Variants in POLD1 observed in about 807,000 individuals in gnomAD.
POLD1 encodes the protein DNA polymerase delta 1, catalytic subunit.
In POLD1, 79 loss-of-function variants were observed where a neutral mutation model predicts 129.7. That is an observed-to-expected ratio of 0.61 (90% CI 0.51 to 0.73). The LOEUF (loss-of-function observed/expected upper bound fraction) is 0.73. Ranked by LOEUF, POLD1 falls within the 30% of genes least tolerant of loss-of-function variation. The pLI is 0.00. For missense variants in POLD1, 1,338 were observed against 1,595.8 expected, an observed-to-expected ratio of 0.84 and a Z score of 2.75; for synonymous variants, 714 against 683.3, an observed-to-expected ratio of 1.04 and a Z score of -0.70.
intron 26 of POLD1, 35 bp downstream of exon 26, chr19:50,417,304 C>G (rs762698172): frequency 6.9e-7 from 1 of 1,443,398 alleles, no homozygotes; most frequent in Non-Finnish European, 9.4e-7. Context: ...GCTGCCCCGC[C>G]CCTTCCCAGC....
chr19:50,413,966 A>G, intron 19 of POLD1, 87 bp downstream of exon 19: 3 of 1,362,252 alleles, frequency 2.2e-6, no homozygotes, highest in Non-Finnish European at 3.0e-6. Flanking sequence ...CAAAAGCCAC[A>G]GTGTGAAGGG....
intron 17 of POLD1, among the ~76,000 whole-genome samples, chr19:50,412,737 GTGT>G (rs541800255): frequency 9.5e-4 from 138 of 145,714 alleles, no homozygotes; most frequent in African/African-American, 3.4e-3. Flanking sequence ...GGTGGTGGTG[GTGT>G]TGTTGTTTAA....
chr19:50,385,527 T>TC (rs1491516331), intron 1 of POLD1, among the ~76,000 whole-genome samples: 1 of 82,490 alleles, frequency 1.2e-5, no homozygotes, highest in Non-Finnish European at 2.1e-5. Context: ...CTGTCTTCTC[T>TC]TTTTTTTTTT....
intron 19 of POLD1, 98 bp from the exon 20 acceptor site, chr19:50,414,717 G>A: frequency 1.0e-6 from 1 of 1,001,760 alleles, no homozygotes; most frequent in Non-Finnish European, 1.4e-6. Flanking sequence ...TCCTCAAACT[G>A]CGTCTGGGAC....
chr19:50,415,555 T>C lies in POLD1; in HGVS notation c.2682T>C (p.Tyr894=). Residue 894 remains tyrosine, a synonymous_variant, in exon 21 of 27, where the codon TAT becomes TAC. Transcript: ENST00000440232. ...AGCTGACCCGCGCGGCCTCCGACTA[T>C]GCCGGCAAGCAGGCCCACGTGGAGC... ...TKELTRAASD[Y]AGKQAHVELA... 6.2e-7 allele frequency: 1 copy of C among 1,612,552 alleles called. No individual in the cohort carries two copies. The highest frequency in any genetic ancestry group is 8.5e-7 in the Non-Finnish European group (1 of 1,179,476).
At chr19:50,417,722 G>C (rs1224111443) in intron 26 of POLD1, 120 bp from the exon 27 acceptor site, 1 of 592,000 alleles carries the variant, frequency 1.7e-6, no homozygotes, top group African/African-American at 1.9e-5. Context: ...CGCTGCGGGA[G>C]GGGGCGGGTG....
intron 1 of POLD1, among the ~76,000 whole-genome samples, chr19:50,395,384 A>C (rs2038319194): frequency 1.3e-5 from 2 of 151,984 alleles, no homozygotes; most frequent in South Asian, 4.2e-4. Context: ...TCACGAGGTC[A>C]GGAGATTGAG....
chr19:50,405,624 A>C (rs1307569637), intron 10 of POLD1, among the ~76,000 whole-genome samples: 1 of 152,114 alleles, frequency 6.6e-6, no homozygotes, highest in Non-Finnish European at 1.5e-5. Context: ...TAGGACCCCC[A>C]GTGTATATTC....
At chr19:50,407,436 C>G in intron 14 of POLD1, 21 bp downstream of exon 14, 1 of 1,514,770 alleles carries the variant, frequency 6.6e-7, no homozygotes, top group Non-Finnish European at 9.0e-7. Context: ...AGGCTGGGTG[C>G]AGTTTTTACC....
chr19:50,413,603 G>A (rs895787325), intron 18 of POLD1, 82 bp downstream of exon 18: 109 of 1,527,926 alleles, frequency 7.1e-5, no homozygotes, highest in Middle Eastern at 1.7e-4. Context: ...CCATGTCCCC[G>A]TGCCTCCTGG....
In POLD1 at chr19:50,416,507, C is replaced by G. The variant is rs758407212; in HGVS notation, c.2932C>G (p.Arg978Gly). 7 of 1,552,530 alleles carry G rather than the reference C, an allele frequency of 4.5e-6. No homozygotes were observed. Among genetic ancestry groups the G allele is most frequent in the Admixed American group, 1.9e-5 (1 of 51,518 alleles). The change falls in exon 23 of 27, where the codon CGT becomes GGT. Residue 978 changes from arginine to glycine, a missense_variant. Arg to Gly is a moderately radical substitution (Grantham distance 125, BLOSUM62 -2). Coordinates refer to ENST00000440232, the MANE Select transcript of POLD1 (RefSeq NM_002691.4). ...RIFEPILGEGRAEAVLLRGDH... is the reference protein window; with the variant it reads ...RIFEPILGEGGAEAVLLRGDH... ...CTTCGAGCCCATCCTGGGCGAGGGCCGTGCCGAGGCTGTGCTACTGCGTAC... is the reference window on the plus strand; with the variant it reads ...CTTCGAGCCCATCCTGGGCGAGGGCGGTGCCGAGGCTGTGCTACTGCGTAC...
At chr19:50,392,076 C>A (rs1290996577) in intron 1 of POLD1, among the ~76,000 whole-genome samples, 1 of 151,844 alleles carries the variant, frequency 6.6e-6, no homozygotes, top group Non-Finnish European at 1.5e-5. Context: ...GTCATGGCAA[C>A]TTTTTCATTT....
At chr19:50,416,273 G>C (rs1235712604) in intron 22 of POLD1, 123 bp from the exon 23 acceptor site, 3 of 1,004,026 alleles carry the variant, frequency 3.0e-6, no homozygotes, top group Admixed American at 2.4e-5. Flanking sequence ...CCAGACCCAG[G>C]CCCCCCCCAT....
At chr19:50,385,478 G>A (rs1434863896) in intron 1 of POLD1, among the ~76,000 whole-genome samples, 1 of 151,910 alleles carries the variant, frequency 6.6e-6, no homozygotes, top group Non-Finnish European at 1.5e-5. Context: ...CGATGTCAGT[G>A]CCTCGCCTCA....
In POLD1 at chr19:50,416,598, CCT is replaced by C. The variant is rs1555793394; in HGVS notation, c.2954-8_2954-7del. On this transcript the variant is annotated splice_polypyrimidine_tract_variant and intron_variant, in intron 23 of 26. Coordinates refer to ENST00000440232, the MANE Select transcript of POLD1 (RefSeq NM_002691.4). The stretch of plus-strand genomic sequence containing the variant: ...GAGATCACCGGCCCACCACCTGCCT[CCT>C]CTCCTGCAGGGGGGGACCACACGCG... 6 of 1,553,916 alleles carry C rather than the reference CCT, an allele frequency of 3.9e-6. No homozygotes were observed. The highest frequency in any genetic ancestry group is 4.3e-6 in the Non-Finnish European group (5 of 1,152,532).
intron 1 of POLD1, among the ~76,000 whole-genome samples, chr19:50,390,357 G>A (rs1255825099): frequency 6.6e-6 from 1 of 151,932 alleles, no homozygotes; most frequent in African/African-American, 2.4e-5. Flanking sequence ...TGCCCCGGGA[G>A]GATGGAGTCT....
chr19:50,390,713 G>C (rs930829076), intron 1 of POLD1, among the ~76,000 whole-genome samples: 1 of 152,106 alleles, frequency 6.6e-6, no homozygotes, highest in Non-Finnish European at 1.5e-5. Flanking sequence ...CCTAGGCAGA[G>C]GGCCCTGCGG....
At position 50,402,055 on chromosome 19, in the gene POLD1, C is replaced by T. The variant is rs749334182; in HGVS notation, c.520C>T (p.Arg174Trp). 29 of 1,613,922 alleles carry T rather than the reference C, an allele frequency of 1.8e-5. No individual in the cohort carries two copies. The highest frequency in any genetic ancestry group is 1.2e-4 in the Admixed American group (7 of 59,994). Residue 174 changes from arginine to tryptophan, a missense_variant, in exon 5 of 27, where the codon CGG becomes TGG. Arg to Trp is a moderately radical substitution (Grantham distance 101). Around this residue, in one of 3 missense-constraint regions of POLD1, gnomAD observed 332 missense variants for 315.7 expected, o/e 1.05. Coordinates refer to ENST00000440232, the MANE Select transcript of POLD1 (RefSeq NM_002691.4). ...ACGGGAGCTGAACTTGGCCATCAGCCGGGACAGTCGCGGGGGGAGGGAGCT... is the reference window on the plus strand; with the variant it reads ...ACGGGAGCTGAACTTGGCCATCAGCTGGGACAGTCGCGGGGGGAGGGAGCT... Reference protein sequence around the residue: ...LQRELNLAISRDSRGGRELTG... With the variant: ...LQRELNLAISWDSRGGRELTG...
intron 1 of POLD1, among the ~76,000 whole-genome samples, chr19:50,389,588 A>C (rs2546546): frequency 0.055 from 7,787 of 142,296 alleles, 663 homozygotes; most frequent in African/African-American, 0.19. Context: ...ATAATTTCTT[A>C]TTTTTTTTTT....
Sources: gnomAD v4.1 joint callset for allele counts (sites outside exome capture counted in the v4.1 genomes callset) on GRCh38, gnomAD v4.1.1 for gene constraint, gnomAD v4.1.1 regional missense constraint, MANE v1.5 for transcripts, NCBI Gene and HGNC (gene_info 2026-07-23, HGNC 2026-07-21) for gene names.